QRICH1: variants seen among roughly 807,000 people sequenced by gnomAD.
The protein encoded by QRICH1 is glutamine rich 1.
Under a neutral mutation model 87.1 loss-of-function variants are expected in QRICH1, and 16 were observed. The ratio of observed to expected loss-of-function variants is 0.18; its 90% CI spans 0.12 to 0.28. QRICH1 has a LOEUF of 0.28. Among genes scored for constraint, QRICH1 ranks in the 10% least tolerant of loss-of-function variants. The pLI is 1.00. For missense variants in QRICH1, 647 were observed against 951.7 expected (o/e 0.68, Z 4.21); for synonymous variants, 367 against 368.4 (o/e 1.00, Z 0.05).
At chr3:49,044,290 TCCCCCCTCACTCACATGC>T in intron 6 of QRICH1, 82 bp downstream of exon 6, 1 of 898,676 alleles carries the variant, frequency 1.1e-6, no homozygotes, top group Non-Finnish European at 1.7e-6. Flanking sequence ...GGGATTTATA[TCCCCCCTCACTCACATGC>T]TTTTCATAGC....
intron 2 of QRICH1, among the ~76,000 whole-genome samples, chr3:49,067,419 T>G (rs1031774007): frequency 6.6e-6 from 1 of 150,668 alleles, no homozygotes; most frequent in African/African-American, 2.4e-5. Flanking sequence ...TACAAAAAAA[T>G]TAGCTGGGTG....
At chr3:49,072,793 G>C (rs1302593983) in intron 2 of QRICH1, among the ~76,000 whole-genome samples, 1 of 152,078 alleles carries the variant, frequency 6.6e-6, no homozygotes, top group Non-Finnish European at 1.5e-5. Context: ...TATAATCCCA[G>C]CACTTTGGGA....
chr3:49,071,481 T>A (rs1184412261), intron 2 of QRICH1, among the ~76,000 whole-genome samples: 3 of 152,038 alleles, frequency 2.0e-5, no homozygotes, highest in South Asian at 2.1e-4. Flanking sequence ...AAGACCAGCC[T>A]AGGGGCCAGG....
chr3:49,038,116 C>G (rs904326143), intron 6 of QRICH1, among the ~76,000 whole-genome samples: 1 of 151,388 alleles, frequency 6.6e-6, no homozygotes, highest in Non-Finnish European at 1.5e-5. Context: ...GGCTAGAGGG[C>G]AGTGGCGCGA....
chr3:49,058,569 A>C (rs950616014), intron 2 of QRICH1, among the ~76,000 whole-genome samples: 2 of 152,086 alleles, frequency 1.3e-5, no homozygotes, highest in Non-Finnish European at 2.9e-5. Flanking sequence ...CAACTGGTCC[A>C]CCCACCTCGG....
intron 3 of QRICH1, among the ~76,000 whole-genome samples, chr3:49,054,203 T>C (rs1450235715): frequency 3.3e-5 from 5 of 152,170 alleles, no homozygotes; most frequent in African/African-American, 1.2e-4. Context: ...ATGGAAATTA[T>C]AAACAGAGAC....
chr3:49,032,966 C>T, intron 7 of QRICH1, 154 bp downstream of exon 7: 1 of 901,410 alleles, frequency 1.1e-6, no homozygotes, highest in Non-Finnish European at 1.6e-6. Context: ...GTGTTTGCCT[C>T]ACTGGTTACC....
intron 1 of QRICH1, among the ~76,000 whole-genome samples, chr3:49,082,367 AT>A (rs2042078573): frequency 6.6e-6 from 1 of 152,236 alleles, no homozygotes; most frequent in African/African-American, 2.4e-5. Context: ...TTCCAAAGAT[AT>A]GATTAAAACA....
chr3:49,089,563 T>C (rs1257586518), intron 1 of QRICH1, among the ~76,000 whole-genome samples: 3 of 152,118 alleles, frequency 2.0e-5, no homozygotes, highest in Non-Finnish European at 4.4e-5. Context: ...AGCAGCATTG[T>C]TAAGAGCCAA....
intron 5 of QRICH1, among the ~76,000 whole-genome samples, chr3:49,045,345 A>AAAAAAAAAC (rs2093333200): frequency 7.5e-6 from 1 of 134,000 alleles, no homozygotes; most frequent in African/African-American, 2.6e-5. Context: ...AAAAAAAAAA[A>AAAAAAAAAC]AAAAGTCAAG....
chr3:49,076,910 A>G lies in QRICH1; in HGVS notation c.108T>C (p.Ser36=), dbSNP rs149418410. The G allele has an allele frequency of 8.0e-4, 1,299 of 1,613,858 alleles. 20 individuals are homozygous for G. In the East Asian group the frequency reaches 0.026, roughly 32 times the overall value. Residue 36 remains serine, a synonymous_variant, in exon 2 of 10, where the codon TCT becomes TCC. Transcript: ENST00000395443. The part of the protein sequence containing the change: ...RMKEFLDSLA[S]KGPEALQEFQ... Reference sequence around the variant, plus strand: ...ACTCCTGAAGGGCTTCTGGCCCCTTAGAGGCCAGTGAGTCCAGAAATTCCT... The same window carrying G: ...ACTCCTGAAGGGCTTCTGGCCCCTTGGAGGCCAGTGAGTCCAGAAATTCCT...
rs999155292 is a variant in QRICH1 at position 49,066,114 on chromosome 3, G to C, written c.310-8224C>G. Among the ~76,000 whole-genome samples, 18 of 151,988 alleles carry C rather than the reference G, an allele frequency of 1.2e-4. No individual in the cohort carries two copies. The East Asian group carries it at 2.7e-3, about 23-fold the overall frequency. ...AGCCTGGGCAATGTGGTGAAACCCC[G>C]TCTCTACCAAGAATACAAAAAAATT... On this transcript the variant is annotated intron_variant, in intron 2 of 9. Coordinates refer to ENST00000395443, the MANE Select transcript of QRICH1 (RefSeq NM_198880.3).
chr3:49,067,946 G>T (rs373108692), intron 2 of QRICH1, among the ~76,000 whole-genome samples: 1 of 149,598 alleles, frequency 6.7e-6, no homozygotes, highest in Non-Finnish European at 1.5e-5. Flanking sequence ...GCGAGACTCC[G>T]TCTCAAAAAA....
intron 1 of QRICH1, among the ~76,000 whole-genome samples, chr3:49,081,003 A>G (rs1292489489): frequency 6.7e-6 from 1 of 150,212 alleles, no homozygotes; most frequent in Non-Finnish European, 1.5e-5. Context: ...GCCTAAAAAA[A>G]TTATAAATAA....
intron 1 of QRICH1, among the ~76,000 whole-genome samples, chr3:49,085,416 C>T (rs371130200): frequency 2.0e-5 from 3 of 151,806 alleles, no homozygotes; most frequent in African/African-American, 2.4e-5. Flanking sequence ...GTAACAGACA[C>T]GTAATTCTGG....
At chr3:49,042,102 G>A (rs1486319535) in intron 6 of QRICH1, among the ~76,000 whole-genome samples, 2 of 147,260 alleles carry the variant, frequency 1.4e-5, no homozygotes, top group South Asian at 2.2e-4. Flanking sequence ...GGGCGGGGGG[G>A]CGGGGGTGGC....
chr3:49,091,649 G>A (rs748870441), intron 1 of QRICH1, among the ~76,000 whole-genome samples: 6 of 152,212 alleles, frequency 3.9e-5, no homozygotes, highest in Non-Finnish European at 8.8e-5. Flanking sequence ...CCCGAAGGAA[G>A]ACATCTAATA....
In QRICH1 at chr3:49,057,899, A is replaced by G; in HGVS notation, c.310-9T>C. On this transcript the variant is annotated splice_polypyrimidine_tract_variant and intron_variant, in intron 2 of 9. Transcript: ENST00000395443. The surrounding 1 kb of genome is among the most constrained non-coding windows in gnomAD (Gnocchi z 5.4). ...TGTACCTGCACCTGGACCTGTAAGC[A>G]ACAAGATTCATCAGTGAGTGAACCA... is the stretch of plus-strand genomic sequence containing the variant. 6.2e-7 allele frequency: 1 copy of G among 1,614,108 alleles called. No individual in the cohort carries two copies. Among genetic ancestry groups the G allele is most frequent in the South Asian group, 1.1e-5 (1 of 91,080 alleles).
chr3:49,035,955 G>GC (rs1188888038), intron 6 of QRICH1, among the ~76,000 whole-genome samples: 2 of 151,488 alleles, frequency 1.3e-5, no homozygotes, highest in Admixed American at 1.3e-4. Flanking sequence ...GTGGTGGTAT[G>GC]CACCTGCAGT....
Sources: allele counts gnomAD v4.1 joint callset (sites outside exome capture counted in the v4.1 genomes callset), GRCh38; gene constraint gnomAD v4.1.1; non-coding constraint Gnocchi (gnomAD v3.1); transcripts MANE v1.5; gene names NCBI Gene and HGNC (gene_info 2026-07-23, HGNC 2026-07-21).